PDCD2: variants seen among roughly 807,000 people sequenced by gnomAD.
PDCD2 encodes the protein uS5 assembly chaperone PDCD2.
A neutral mutation model predicts 38.1 loss-of-function variants in PDCD2; 38 were observed. The ratio of observed to expected loss-of-function variants is 1.00; its 90% CI spans 0.77 to 1.31. The LOEUF (loss-of-function observed/expected upper bound fraction) is 1.31, where lower values mean the gene tolerates loss of function less well. Among genes scored for constraint, PDCD2 ranks in the 50% most tolerant of loss-of-function variants. The pLI is 0.00. For missense variants in PDCD2, 473 were observed against 435.7 expected, an observed-to-expected ratio of 1.09 and a Z score of -0.76; for synonymous variants, 205 against 168.9, an observed-to-expected ratio of 1.21 and a Z score of -1.66.
chr6:170,582,353 T>C (rs1583142800), intron 3 of PDCD2: 1 of 1,532,414 alleles, frequency 6.5e-7, no homozygotes, highest in Non-Finnish European at 8.7e-7. Context: ...ACCAGTAAGC[T>C]GATGTTTTCA....
chr6:170,582,022 G>GCTACT (rs1179383966), intron 3 of PDCD2: 18 of 1,216,936 alleles, frequency 1.5e-5, no homozygotes, highest in Non-Finnish European at 2.0e-5. Context: ...CCTTGATCCT[G>GCTACT]CTACTCTAGG....
intron 1 of PDCD2, 129 bp downstream of exon 1, chr6:170,584,170 A>G: frequency 9.8e-7 from 1 of 1,024,956 alleles, no homozygotes; most frequent in Non-Finnish European, 1.3e-6. Context: ...CTCCTGGGGC[A>G]GCGCGGAGAG....
chr6:170,578,341 C>G (rs1779501472), intron 5 of PDCD2: 1 of 406,068 alleles, frequency 2.5e-6, no homozygotes, highest in Admixed American at 4.2e-5. Context: ...ATCCATAGCT[C>G]AAGAGCATTT....
chr6:170,582,110 T>G, intron 3 of PDCD2: 1 of 1,531,306 alleles, frequency 6.5e-7, no homozygotes, highest in East Asian at 2.5e-5. Flanking sequence ...GCGCGGCCCC[T>G]TCCAGGCAGT....
chr6:170,580,690 G>A (rs1224934376), intron 3 of PDCD2, among the ~76,000 whole-genome samples: 1 of 152,084 alleles, frequency 6.6e-6, no homozygotes, highest in Non-Finnish European at 1.5e-5. Flanking sequence ...ACTCCAGCCT[G>A]GGCGACAGAG....
At position 170,576,593 on chromosome 6, in the gene PDCD2, C is replaced by A. The variant is rs760421463; in HGVS notation, c.*966G>T. The stretch of plus-strand genomic sequence containing the variant: ...GAAACCTTAGTGTAGTCTTAGGAGC[C>A]GCTTGCTTAAACAGATGTATCAGAA... On this transcript the variant is annotated 3_prime_UTR_variant, in exon 6 of 6. Transcript: ENST00000541970. 4 of 152,144 alleles carry A rather than the reference C, an allele frequency of 2.6e-5. No homozygotes were observed. Among genetic ancestry groups the A allele is most frequent in the East Asian group, 1.9e-4 (1 of 5,194 alleles). 9.4% of individuals were successfully genotyped at this position (152,144 alleles called of 1,614,324 possible).
At position 170,577,768 on chromosome 6, in the gene PDCD2, C is replaced by T. The variant is rs377258924; in HGVS notation, c.877-51G>A. 1.1e-4 allele frequency: 170 copies of T among 1,577,288 alleles called. 1 individual carries two copies. Among genetic ancestry groups the T allele is most frequent in the African/African-American group, 5.4e-4 (40 of 74,134 alleles). On this transcript the variant is annotated intron_variant, in intron 5 of 5. Transcript: ENST00000541970. ...GAAAGCTGCTTCACAGCAGGGAGCA[C>T]GAGACCTTCTCAGCCAGGATGATTA...
Position 170,584,306 on chromosome 6 carries a change from G to A in PDCD2, c.276C>T (p.Gly92=). ...FCCREQPCCA[G]LRVFRNQLPR... ...CCCCGTTTGGCGGCTCACCTCGCAG[G>A]CCGGCACAGCACGGCTGCTCGCGGC... The change falls in exon 1 of 6, where the codon GGC becomes GGT. Residue 92 remains glycine (G), a synonymous_variant. Transcript: ENST00000541970. 6.8e-7 allele frequency: 1 copy of A among 1,471,770 alleles called. No homozygotes were observed. Among genetic ancestry groups the A allele is most frequent in the Non-Finnish European group, 8.9e-7 (1 of 1,118,722 alleles). The allele number at this position is 1,471,770 out of a possible 1,614,324, so 91.2% of individuals were successfully genotyped here.
At chr6:170,582,858 A>AGGT in intron 3 of PDCD2, 199 bp downstream of exon 3, 1 of 1,366,122 alleles carries the variant, frequency 7.3e-7, no homozygotes, top group East Asian at 2.8e-5. Flanking sequence ...TTGTCTTTAC[A>AGGT]GGGAGCAGAA....
rs775892587 is a variant in PDCD2, at chr6:170,578,937, A to G, written c.796T>C (p.Trp266Arg). 49 of 1,604,176 alleles carry G rather than the reference A, an allele frequency of 3.1e-5. No homozygotes were observed. The South Asian group carries it at 3.9e-4, about 13-fold the overall frequency. The change falls in exon 5 of 6, where the codon TGG (tryptophan) becomes CGG (arginine). Residue 266 changes from tryptophan to arginine, a missense_variant. Trp to Arg is a moderately radical substitution (Grantham distance 101). Transcript: ENST00000541970. ...LRYGRGIAPI[W>R]ISGENIPQEK... Reference sequence around the variant, plus strand: ...TGAGGAATATTTTCACCAGAAATCCAGATGGGGGCAATACCTCTGCCATAT... The same window carrying G: ...TGAGGAATATTTTCACCAGAAATCCGGATGGGGGCAATACCTCTGCCATAT...
rs533506308 is a variant in PDCD2, at chr6:170,577,434, T to TAA, written c.*123_*124dup. The TAA allele has an allele frequency of 3.6e-4, 288 of 793,718 alleles. 1 individual carries two copies. The highest frequency in any genetic ancestry group is 5.0e-4 in the Non-Finnish European group (253 of 502,548). 49.2% of individuals were successfully genotyped at this position (793,718 alleles called of 1,614,324 possible). Reference sequence around the variant, plus strand: ...GTTTCACTAATAAGTAGACACTGTGTAAGCAATCTGTCAACATCTCTGCAC... The same window carrying TAA: ...GTTTCACTAATAAGTAGACACTGTGTAAAAGCAATCTGTCAACATCTCTGCAC... On this transcript the variant is annotated 3_prime_UTR_variant, in exon 6 of 6. Transcript: ENST00000541970.
chr6:170,582,538 T>A, intron 3 of PDCD2: 1 of 1,347,154 alleles, frequency 7.4e-7, no homozygotes, highest in South Asian at 1.6e-5. Context: ...AATGAGCTCA[T>A]GCACAAACAG....
In PDCD2 at chr6:170,582,063, A is replaced by G; in HGVS notation, c.658+994T>C. 2.0e-6 allele frequency: 3 copies of G among 1,471,816 alleles called. No homozygotes were observed. The South Asian group carries it at 4.0e-5, about 20-fold the overall frequency. 91.2% of individuals were successfully genotyped at this position (1,471,816 alleles called of 1,614,324 possible). A position where few individuals can be genotyped will look rare whatever the true frequency, so the allele number is the denominator to read the frequency against. ...CTTTCTCCTAAAGATAAGCATTTTC[A>G]TTATGTATCATGTTTATCGTATAGG... is the stretch of plus-strand genomic sequence containing the variant. On this transcript the variant is annotated intron_variant, in intron 3 of 5. Transcript: ENST00000541970.
At chr6:170,581,197 T>G (rs1307228917) in intron 3 of PDCD2, 2 of 152,146 alleles carry the variant, frequency 1.3e-5, no homozygotes, top group Non-Finnish European at 2.9e-5. Context: ...CACTATCAAG[T>G]CCAGTGTTTC....
chr6:170,584,112 C>T lies in PDCD2; in HGVS notation c.283+187G>A. On this transcript the variant is annotated intron_variant, in intron 1 of 5. Coordinates refer to ENST00000541970, the MANE Select transcript of PDCD2 (RefSeq NM_002598.4). ...CAATGCGCGTGGGCACAGTTAGAAGCTTATGTAGCAAAAATGAGCACATCC... is the reference window on the plus strand; with the variant it reads ...CAATGCGCGTGGGCACAGTTAGAAGTTTATGTAGCAAAAATGAGCACATCC... 6.9e-6 allele frequency: 4 copies of T among 582,196 alleles called. No individual in the cohort carries two copies. In the South Asian group the frequency reaches 1.2e-4, roughly 17 times the overall value. The allele number at this position is 582,196 out of a possible 1,614,324, so 36.1% of individuals were successfully genotyped here.
intron 3 of PDCD2, chr6:170,581,159 A>G (rs1479922283): frequency 6.6e-6 from 1 of 152,066 alleles, no homozygotes; most frequent in African/African-American, 2.4e-5. Context: ...ACTATAATGA[A>G]CCGCCACATA....
rs143812529 is a variant in PDCD2, at chr6:170,582,136, G to A, written c.658+921C>T. On this transcript the variant is annotated intron_variant, in intron 3 of 5. Coordinates refer to ENST00000541970, the MANE Select transcript of PDCD2 (RefSeq NM_002598.4). The stretch of plus-strand genomic sequence containing the variant: ...TCCAGGCAGTCTTCAGTGATGTCAC[G>A]TGTTCCCATGGCACCTGTATTGTAC... 808 of 1,532,964 alleles carry A rather than the reference G, an allele frequency of 5.3e-4. 4 individuals are homozygous for A. In the East Asian group the frequency reaches 0.014, roughly 26 times the overall value. The allele number at this position is 1,532,964 out of a possible 1,614,324, so 95.0% of individuals were successfully genotyped here.
Position 170,577,604 on chromosome 6 carries a change from A to T in PDCD2, c.990T>A (p.Tyr330Ter). 6.2e-7 allele frequency: 1 copy of T among 1,614,154 alleles called. No homozygotes were observed. Among genetic ancestry groups the T allele is most frequent in the Non-Finnish European group, 8.5e-7 (1 of 1,180,024 alleles). The change falls in exon 6 of 6, where the codon TAT becomes TAA. Residue 330 changes from tyrosine to a stop codon, truncating the protein, a stop_gained. Coordinates refer to ENST00000541970, the MANE Select transcript of PDCD2 (RefSeq NM_002598.4). LOFTEE classifies it high-confidence loss of function. ...CAESCSLGTGYTEEFVWKQDV... is the reference protein window; with the variant it reads ...CAESCSLGTG ...CCTGCTTCCACACAAATTCTTCTGTATAGCCAGTACCCAAGCTGCAGCTCT... is the reference window on the plus strand; with the variant it reads ...CCTGCTTCCACACAAATTCTTCTGTTTAGCCAGTACCCAAGCTGCAGCTCT...
At position 170,578,942 on chromosome 6, in the gene PDCD2, G is replaced by A. The variant is rs1390450965; in HGVS notation, c.791C>T (p.Pro264Leu). 1 of 1,601,292 alleles carries A rather than the reference G, an allele frequency of 6.2e-7. No individual in the cohort carries two copies. The highest frequency in any genetic ancestry group is 1.1e-5 in the South Asian group (1 of 88,778). Residue 264 changes from proline to leucine, a missense_variant, in exon 5 of 6, where the codon CCC becomes CTC. By Grantham distance (98) the Pro-to-Leu change is moderately conservative. Coordinates refer to ENST00000541970, the MANE Select transcript of PDCD2 (RefSeq NM_002598.4). ...AATATTTTCACCAGAAATCCAGATG[G>A]GGGCAATACCTCTGCCATATCTAAG... ...QILRYGRGIAPIWISGENIPQ... is the reference protein window; with the variant it reads ...QILRYGRGIALIWISGENIPQ...
Sources: gnomAD v4.1 joint callset for allele counts (sites outside exome capture counted in the v4.1 genomes callset) on GRCh38, gnomAD v4.1.1 for gene constraint, MANE v1.5 for transcripts, NCBI Gene and HGNC (gene_info 2026-07-23, HGNC 2026-07-21) for gene names.